Variants in DOCK7 observed in about 807,000 individuals in gnomAD.
DOCK7 encodes the protein dedicator of cytokinesis protein 7.
In DOCK7, 138 loss-of-function variants were observed where a neutral mutation model predicts 271.0. The ratio of observed to expected loss-of-function variants is 0.51; its 90% CI spans 0.44 to 0.59. The LOEUF (loss-of-function observed/expected upper bound fraction) is 0.59, where lower values mean the gene tolerates loss of function less well. DOCK7 is among the 20% of genes least tolerant of loss of function. The probability of loss-of-function intolerance (pLI) is 0.00; values close to 1 mark genes in which losing one functional copy is unlikely to be tolerated. For missense variants in DOCK7, 2,066 were observed against 2,592.4 expected (o/e 0.80, Z 4.41); for synonymous variants, 823 against 876.1 (o/e 0.94, Z 1.07).
chr1:62,485,167 GC>G, intron 43 of DOCK7: 1 of 985,180 alleles, frequency 1.0e-6, no homozygotes, highest in South Asian at 4.7e-5. Flanking sequence ...CAACAAACAT[GC>G]TTTTACTTCC....
In DOCK7 at chr1:62,555,055, T is replaced by C. The variant is rs141728242; in HGVS notation, c.2596+770A>G. 1.6e-3 allele frequency among the ~76,000 whole-genome samples: 243 copies of C among 152,324 alleles called. 4 individuals are homozygous for C. The highest frequency in any genetic ancestry group is 5.4e-3 in the African/African-American group (224 of 41,572). ...CAGACATGTATGTGAGTAGGTTAAA[T>C]GATACGCACAACATAATCATTAGTT... On this transcript the variant is annotated intron_variant, in intron 21 of 49. Coordinates refer to ENST00000635253, the MANE Select transcript of DOCK7 (RefSeq NM_001367561.1).
At chr1:62,682,457 T>TA (rs1461984297) in intron 1 of DOCK7, among the ~76,000 whole-genome samples, 1 of 151,800 alleles carries the variant, frequency 6.6e-6, no homozygotes, top group Non-Finnish European at 1.5e-5. Flanking sequence ...GCACTGGAAA[T>TA]AAAAAGTCAA....
intron 1 of DOCK7, among the ~76,000 whole-genome samples, chr1:62,674,476 A>G (rs993987152): frequency 2.6e-5 from 4 of 152,216 alleles, no homozygotes. Flanking sequence ...GTATATGAAA[A>G]TGCAAAAAAT....
At chr1:62,681,386 G>C (rs918263502) in intron 1 of DOCK7, among the ~76,000 whole-genome samples, 2 of 124,250 alleles carry the variant, frequency 1.6e-5, no homozygotes, top group Non-Finnish European at 3.3e-5. Context: ...GGCCTGTCGT[G>C]GGGTGGGGGG....
chr1:62,682,905 G>A (rs1396094723), intron 1 of DOCK7, among the ~76,000 whole-genome samples: 2 of 152,158 alleles, frequency 1.3e-5, no homozygotes, highest in Non-Finnish European at 2.9e-5. Flanking sequence ...TCTGAGAGAG[G>A]TGGCAAGAGA....
intron 43 of DOCK7, chr1:62,484,184 C>G (rs1025162406): frequency 1.3e-5 from 2 of 151,908 alleles, no homozygotes. Context: ...ACATTCATGT[C>G]CATTCAGTCC....
At chr1:62,537,451 TG>T (rs1472063243) in intron 28 of DOCK7, among the ~76,000 whole-genome samples, 2 of 152,136 alleles carry the variant, frequency 1.3e-5, no homozygotes, top group Middle Eastern at 3.4e-3. Flanking sequence ...CTGGGCATAG[TG>T]GCGCACGTCT....
At chr1:62,572,314 C>A (rs1036557094) in intron 18 of DOCK7, among the ~76,000 whole-genome samples, 1 of 152,182 alleles carries the variant, frequency 6.6e-6, no homozygotes, top group Non-Finnish European at 1.5e-5. Context: ...GTAATAGTAG[C>A]AAACACTTCC....
chr1:62,613,904 T>C (rs889694130), intron 14 of DOCK7, among the ~76,000 whole-genome samples: 8 of 152,312 alleles, frequency 5.3e-5, no homozygotes, highest in Admixed American at 3.9e-4. Context: ...AACTTCAGCT[T>C]TGTCATCTAT....
Position 62,625,345 on chromosome 1 carries a change from G to C in DOCK7, c.1339C>G (p.Leu447Val). ...RNSSIVGRRSLERTTSGDDAC... is the reference protein window; with the variant it reads ...RNSSIVGRRSVERTTSGDDAC... ...TCATCTCCACTTGTTGTCCTTTCAA[G>C]TGATCGTCTGCCAACAATACTAGAA... Residue 447 changes from leucine (L) to valine (V), a missense_variant, in exon 12 of 50, where the codon CTT (leucine) becomes GTT (valine). Leu to Val is a conservative substitution (Grantham distance 32). This residue lies in a region of DOCK7 where 1,414 missense variants were observed against 1,670.4 expected (regional missense o/e 0.85). Transcript: ENST00000635253. 1.2e-6 allele frequency: 2 copies of C among 1,613,604 alleles called. No individual in the cohort carries two copies. The highest frequency in any genetic ancestry group is 1.7e-6 in the Non-Finnish European group (2 of 1,179,718).
chr1:62,513,685 T>C (rs1161436618), intron 32 of DOCK7, 31 bp downstream of exon 32: 1 of 1,608,530 alleles, frequency 6.2e-7, no homozygotes, highest in East Asian at 2.2e-5. Context: ...TCTCCTTTCT[T>C]GTTCTTTGCA....
At chr1:62,510,385 T>C (rs1644448258) in intron 34 of DOCK7, among the ~76,000 whole-genome samples, 192 bp downstream of exon 34, 1 of 152,222 alleles carries the variant, frequency 6.6e-6, no homozygotes, top group Non-Finnish European at 1.5e-5. Flanking sequence ...TGCCTTACTA[T>C]ACCACGAGAA....
At chr1:62,487,562 C>A in intron 42 of DOCK7, 150 bp from the exon 43 acceptor site, 1 of 605,738 alleles carries the variant, frequency 1.7e-6, no homozygotes, top group Admixed American at 3.1e-5. Context: ...TTAAGACCTG[C>A]AATAATTTCA....
In DOCK7 at chr1:62,474,067, C is replaced by T; in HGVS notation, c.6127G>A (p.Val2043Ile). The T allele has an allele frequency of 6.2e-7, 1 of 1,613,788 alleles. No individual in the cohort carries two copies. The highest frequency in any genetic ancestry group is 8.5e-7 in the Non-Finnish European group (1 of 1,179,874). ...TCACTAGGTATTTCAGACAGAAAAA[C>T]CTGGGCAACTTCCAAAGGCCCCTGC... is the stretch of plus-strand genomic sequence containing the variant. ...VNQGPLEVAQ[V>I]FLSEIPSDPK... The change falls in exon 48 of 50, where the codon GTT (valine) becomes ATT (isoleucine). Residue 2043 changes from valine (V) to isoleucine (I), a missense_variant. This residue lies in a region of DOCK7 where 652 missense variants were observed against 922.1 expected (regional missense o/e 0.71). Coordinates refer to ENST00000635253, the MANE Select transcript of DOCK7 (RefSeq NM_001367561.1).
At chr1:62,604,531 C>T in intron 14 of DOCK7, 4 of 1,244,832 alleles carry the variant, frequency 3.2e-6, no homozygotes, top group Non-Finnish European at 4.7e-6. Flanking sequence ...ATCTAAAACA[C>T]TGTAATATTT....
chr1:62,667,314 G>C (rs1273924040), intron 1 of DOCK7, among the ~76,000 whole-genome samples: 3 of 152,158 alleles, frequency 2.0e-5, no homozygotes, highest in Non-Finnish European at 4.4e-5. Flanking sequence ...AGGTATCTTG[G>C]AACTGGCATT....
At chr1:62,530,974 T>C (rs1009642089) in intron 29 of DOCK7, 1 of 152,208 alleles carries the variant, frequency 6.6e-6, no homozygotes, top group Non-Finnish European at 1.5e-5. Flanking sequence ...GACTAGTGGG[T>C]ATAGGGAGGG....
intron 14 of DOCK7, among the ~76,000 whole-genome samples, chr1:62,590,916 T>C (rs1312060197): frequency 6.6e-6 from 1 of 152,156 alleles, no homozygotes; most frequent in Non-Finnish European, 1.5e-5. Flanking sequence ...TTAACCACTG[T>C]AGAAAGCAGT....
Position 62,528,157 on chromosome 1 carries a change from C to A in DOCK7, c.3930G>T (p.Thr1310=). The A allele has an allele frequency of 6.2e-7, 1 of 1,608,718 alleles. No individual in the cohort carries two copies. The highest frequency in any genetic ancestry group is 8.5e-7 in the Non-Finnish European group (1 of 1,177,846). Residue 1310 remains threonine (T), a synonymous_variant, in exon 31 of 50, where the codon ACG becomes ACT. Transcript: ENST00000635253. ...QLTRPGSFLL[T]STSGRQHTTF... is the part of the protein sequence containing the mutation. ...GTAGGAGGATTGTTTTTACCGTTGA[C>A]GTGAGGAGGAAACTGCCAGGCCTTG...
Sources: allele counts gnomAD v4.1 joint callset (sites outside exome capture counted in the v4.1 genomes callset), GRCh38; gene constraint gnomAD v4.1.1; regional missense constraint gnomAD v4.1.1; transcripts MANE v1.5; gene names NCBI Gene and HGNC (gene_info 2026-07-23, HGNC 2026-07-21).